VPS8: variants seen among roughly 807,000 people sequenced by gnomAD.
VPS8 encodes vacuolar protein sorting-associated protein 8 homolog.
VPS8 carries 129 observed loss-of-function variants against 216.4 expected under a neutral mutation model. The ratio of observed to expected loss-of-function variants is 0.60; its 90% CI spans 0.52 to 0.69. VPS8 has a LOEUF of 0.69. Ranked by LOEUF, VPS8 falls within the 30% of genes least tolerant of loss-of-function variation. The pLI is 0.00. For synonymous variants in VPS8, 571 were observed against 565.4 expected, an observed-to-expected ratio of 1.01 and a Z score of -0.14; for missense variants, 1,531 against 1,683.5, an observed-to-expected ratio of 0.91 and a Z score of 1.59.
intron 39 of VPS8, among the ~76,000 whole-genome samples, chr3:184,969,422 C>G (rs1427494752): frequency 1.1e-5 from 1 of 92,212 alleles, no homozygotes; most frequent in East Asian, 3.6e-4. Context: ...AGCCCCACCC[C>G]CCCCCCTTTT....
At chr3:184,919,805 A>G (rs1009409177) in intron 28 of VPS8, among the ~76,000 whole-genome samples, 2 of 152,154 alleles carry the variant, frequency 1.3e-5, no homozygotes, top group African/African-American at 4.8e-5. Context: ...TCTGTTCTCA[A>G]ACCTTTGCTC....
In VPS8 at chr3:185,028,748, T is replaced by TA. The variant is rs1187911399; in HGVS notation, c.4056+4360dup. Among the ~76,000 whole-genome samples the TA allele has an allele frequency of 2.0e-5, 3 of 152,218 alleles. No homozygotes were observed. In the East Asian group the frequency reaches 5.8e-4, roughly 29 times the overall value. On this transcript the variant is annotated intron_variant, in intron 46 of 47. Coordinates refer to ENST00000625842, the MANE Select transcript of VPS8 (RefSeq NM_001009921.3). The stretch of plus-strand genomic sequence containing the variant: ...AGCGCTCTGAATTAGTCCCTACCAA[T>TA]ACCTGGGTGGGTTGAGATTGCCTCT...
At chr3:184,984,996 AT>A (rs1397190365) in intron 42 of VPS8, among the ~76,000 whole-genome samples, 4 of 152,136 alleles carry the variant, frequency 2.6e-5, no homozygotes, top group Non-Finnish European at 4.4e-5. Flanking sequence ...ATTCATTATA[AT>A]TTTTTCTTAT....
chr3:184,913,723 C>T (rs1736997621), intron 26 of VPS8, among the ~76,000 whole-genome samples, 162 bp downstream of exon 26: 3 of 151,972 alleles, frequency 2.0e-5, no homozygotes, highest in Admixed American at 2.0e-4. Flanking sequence ...GTCTCCTACT[C>T]CCTGGAGATG....
At chr3:184,983,172 T>C in intron 42 of VPS8, 78 bp downstream of exon 42, 3 of 1,262,218 alleles carry the variant, frequency 2.4e-6, no homozygotes, top group Non-Finnish European at 3.2e-6. Context: ...TGAATTGGGC[T>C]AATATTTAAA....
intron 22 of VPS8, among the ~76,000 whole-genome samples, chr3:184,887,875 T>C (rs1167736785): frequency 1.3e-5 from 2 of 152,206 alleles, no homozygotes; most frequent in Admixed American, 1.3e-4. Context: ...TAGATAGCTA[T>C]ATAGTAAGTT....
At chr3:184,973,377 C>T (rs1358506789) in intron 40 of VPS8, among the ~76,000 whole-genome samples, 1 of 152,056 alleles carries the variant, frequency 6.6e-6, no homozygotes. Flanking sequence ...ATGTATATTA[C>T]TCAGCTTCCC....
rs1012722061 is a variant in VPS8, at chr3:184,971,761, A to G, written c.3420+9A>G. 3 of 1,609,324 alleles carry G rather than the reference A, an allele frequency of 1.9e-6. No homozygotes were observed. The highest frequency in any genetic ancestry group is 3.3e-5 in the Admixed American group (2 of 59,748). ...ACCAGCAGCAACGTGAGGTAGGAGA[A>G]TGACTGTTTAGGTATTTAAAAGCCT... On this transcript the variant is annotated intron_variant, in intron 40 of 47. Transcript: ENST00000625842.
intron 7 of VPS8, among the ~76,000 whole-genome samples, chr3:184,841,844 T>C (rs912633694): frequency 6.6e-6 from 1 of 152,148 alleles, no homozygotes; most frequent in Non-Finnish European, 1.5e-5. Flanking sequence ...GCCAAGTTCA[T>C]TGAGGAATGC....
At chr3:184,846,775 T>G (rs1723217837) in intron 8 of VPS8, among the ~76,000 whole-genome samples, 1 of 152,226 alleles carries the variant, frequency 6.6e-6, no homozygotes, top group Non-Finnish European at 1.5e-5. Context: ...AGAGTAGAGG[T>G]ATATATGGAA....
intron 29 of VPS8, among the ~76,000 whole-genome samples, chr3:184,921,030 G>T (rs1370448702): frequency 6.6e-6 from 1 of 152,208 alleles, no homozygotes; most frequent in African/African-American, 2.4e-5. Context: ...CCTGTCAGAT[G>T]ATGCCAGTTT....
intron 16 of VPS8, among the ~76,000 whole-genome samples, chr3:184,863,634 A>C (rs986847749): frequency 2.0e-5 from 3 of 152,204 alleles, no homozygotes; most frequent in African/African-American, 7.2e-5. Context: ...CTTAGCATTA[A>C]TTTTATTGTA....
intron 36 of VPS8, among the ~76,000 whole-genome samples, chr3:184,949,961 G>A (rs1744361463): frequency 1.3e-5 from 2 of 151,802 alleles, no homozygotes; most frequent in African/African-American, 4.8e-5. Context: ...CCAGGCTGGA[G>A]TGCAGTGGCG....
intron 40 of VPS8, among the ~76,000 whole-genome samples, chr3:184,972,118 CA>C (rs1748524272): frequency 6.6e-6 from 1 of 150,848 alleles, no homozygotes; most frequent in Non-Finnish European, 1.5e-5. Context: ...AACTAGGAAT[CA>C]GTTCTGTTTC....
intron 4 of VPS8, 74 bp downstream of exon 4, chr3:184,832,893 T>A: frequency 2.0e-6 from 3 of 1,501,682 alleles, no homozygotes; most frequent in Non-Finnish European, 2.7e-6. Flanking sequence ...ATTGTACTTT[T>A]TAAAGTACAA....
rs750114681 is a variant in VPS8, at chr3:185,051,978, G to A, written c.4240G>A (p.Glu1414Lys). 2 of 1,612,516 alleles carry A rather than the reference G, an allele frequency of 1.2e-6. No homozygotes were observed. The highest frequency in any genetic ancestry group is 1.7e-6 in the Non-Finnish European group (2 of 1,178,752). Residue 1414 changes from glutamate (E) to lysine (K), a missense_variant, in exon 48 of 48, where the codon GAG becomes AAG. Physicochemically the swap from Glu to Lys is moderately conservative, Grantham distance 56 (BLOSUM62 1). This residue lies in a region of VPS8 where 1,318 missense variants were observed against 1,468.4 expected (regional missense o/e 0.90). Coordinates refer to ENST00000625842, the MANE Select transcript of VPS8 (RefSeq NM_001009921.3). ...APAFNSIFQN[E>K]NFQLQLIPPP... ...TGCTTTCAACAGCATCTTCCAGAAT[G>A]AGAACTTCCAGCTGCAGCTCATTCC...
At chr3:184,877,048 T>TTA (rs1729396872) in intron 21 of VPS8, among the ~76,000 whole-genome samples, 2 of 152,204 alleles carry the variant, frequency 1.3e-5, no homozygotes. Flanking sequence ...GTATTGCTGT[T>TTA]ATACTAGAGT....
At chr3:184,942,877 A>T (rs1742991760) in intron 36 of VPS8, among the ~76,000 whole-genome samples, 2 of 152,206 alleles carry the variant, frequency 1.3e-5, no homozygotes, top group Non-Finnish European at 2.9e-5. Context: ...CTAGTAACAT[A>T]TTGAGTTCCG....
chr3:184,932,109 G>A (rs1740792708), intron 34 of VPS8, among the ~76,000 whole-genome samples: 1 of 152,010 alleles, frequency 6.6e-6, no homozygotes, highest in Admixed American at 6.6e-5. Flanking sequence ...CACAATGACA[G>A]GTGTATAAGC....
Sources: allele counts gnomAD v4.1 joint callset (sites outside exome capture counted in the v4.1 genomes callset), GRCh38; gene constraint gnomAD v4.1.1; regional missense constraint gnomAD v4.1.1; transcripts MANE v1.5; gene names NCBI Gene and HGNC (gene_info 2026-07-23, HGNC 2026-07-21).